The following DHX15 variants were observed in gnomAD, a reference collection of about 807,000 sequenced individuals.
DHX15 encodes DEAH-box helicase 15.
Under a neutral mutation model 94.4 loss-of-function variants are expected in DHX15, and 11 were observed. The observed-to-expected ratio is 0.12, with a 90% confidence interval of 0.07 to 0.19. DHX15 has a LOEUF of 0.19. DHX15 is among the 10% of genes least tolerant of loss of function. The pLI is 1.00. For missense variants in DHX15, 304 were observed against 988.5 expected (o/e 0.31, Z 9.29); for synonymous variants, 338 against 329.9 (o/e 1.02, Z -0.27).
At chr4:24,564,539 T>C (rs556768957) in intron 3 of DHX15, among the ~76,000 whole-genome samples, 1 of 152,338 alleles carries the variant, frequency 6.6e-6, no homozygotes, top group East Asian at 1.9e-4. Flanking sequence ...GAAATCTCTA[T>C]ACATTCAAAT....
chr4:24,538,826 A>T (rs1165244082), intron 10 of DHX15: 1 of 152,132 alleles, frequency 6.6e-6, no homozygotes, highest in African/African-American at 2.4e-5. Context: ...TAATATTCTA[A>T]ACTCAAACAA....
At position 24,540,253 on chromosome 4, in the gene DHX15, A is replaced by T; in HGVS notation, c.1641T>A (p.Ala547=). 1 of 1,613,506 alleles carries T rather than the reference A, an allele frequency of 6.2e-7. No individual in the cohort carries two copies. Among genetic ancestry groups the T allele is most frequent in the Admixed American group, 1.7e-5 (1 of 59,998 alleles). ...MRALELLNYL[A]ALNDDGDLTE... Reference sequence around the variant, plus strand: ...TCAGATCTCCATCATCATTTAAAGCAGCCAGGTAATTCAAAAGTTCCAGGG... The same window carrying T: ...TCAGATCTCCATCATCATTTAAAGCTGCCAGGTAATTCAAAAGTTCCAGGG... Residue 547 remains alanine (A), a synonymous_variant, in exon 10 of 14, where the codon GCT becomes GCA. Transcript: ENST00000336812.
At chr4:24,555,659 T>C (rs1379961171) in intron 4 of DHX15, among the ~76,000 whole-genome samples, 1 of 152,136 alleles carries the variant, frequency 6.6e-6, no homozygotes, top group Non-Finnish European at 1.5e-5. Context: ...TACATTCCAA[T>C]GAATAGTATA....
intron 2 of DHX15, among the ~76,000 whole-genome samples, chr4:24,572,757 A>C (rs994162481): frequency 7.2e-5 from 11 of 152,200 alleles, no homozygotes; most frequent in Non-Finnish European, 1.6e-4. Context: ...GGATCCCTGA[A>C]ATGGTTTCAA....
intron 2 of DHX15, among the ~76,000 whole-genome samples, chr4:24,575,548 TC>T (rs1266757543): frequency 2.0e-5 from 3 of 152,222 alleles, no homozygotes; most frequent in Admixed American, 2.0e-4. Flanking sequence ...TCCCACGTGT[TC>T]TCCTACATGC....
intron 2 of DHX15, among the ~76,000 whole-genome samples, chr4:24,573,412 T>C (rs982670986): frequency 6.6e-6 from 1 of 152,200 alleles, no homozygotes; most frequent in African/African-American, 2.4e-5. Flanking sequence ...GAGCTAACGG[T>C]CATTTCCACC....
At chr4:24,560,797 C>A (rs369065606) in intron 3 of DHX15, among the ~76,000 whole-genome samples, 1 of 152,110 alleles carries the variant, frequency 6.6e-6, no homozygotes, top group South Asian at 2.1e-4. Context: ...AAGCACCAGT[C>A]TCAGATTCCA....
At chr4:24,564,805 A>G (rs568325589) in intron 3 of DHX15, among the ~76,000 whole-genome samples, 1 of 152,298 alleles carries the variant, frequency 6.6e-6, no homozygotes, top group South Asian at 2.1e-4. Flanking sequence ...AAATGCTCAC[A>G]AGGAAAGGGA....
chr4:24,545,980 T>A (rs1721413404), intron 6 of DHX15, among the ~76,000 whole-genome samples: 1 of 152,154 alleles, frequency 6.6e-6, no homozygotes, highest in Non-Finnish European at 1.5e-5. Context: ...TAACCTGCCT[T>A]CTAATAGAAC....
At chr4:24,559,270 T>C (rs1205350414) in intron 3 of DHX15, among the ~76,000 whole-genome samples, 2 of 151,564 alleles carry the variant, frequency 1.3e-5, no homozygotes, top group Non-Finnish European at 2.9e-5. Context: ...CATGAAAGAC[T>C]ATTGCCACTT....
intron 1 of DHX15, among the ~76,000 whole-genome samples, chr4:24,582,450 G>A (rs1722436883): frequency 6.6e-6 from 1 of 152,180 alleles, no homozygotes. Flanking sequence ...TTTAAATGGT[G>A]CACATATGCA....
At chr4:24,544,970 GC>G (rs1303938539) in intron 6 of DHX15, among the ~76,000 whole-genome samples, 1 of 152,138 alleles carries the variant, frequency 6.6e-6, no homozygotes, top group Non-Finnish European at 1.5e-5. Context: ...AATTAGCCAG[GC>G]ATGGTGGCAC....
intron 6 of DHX15, among the ~76,000 whole-genome samples, chr4:24,547,925 A>C (rs371665667): frequency 0.011 from 576 of 50,934 alleles, 15 homozygotes; most frequent in Middle Eastern, 0.065. Context: ...ATATATATAT[A>C]TATATATATA....
chr4:24,548,510 G>C (rs1361686230), intron 6 of DHX15, among the ~76,000 whole-genome samples: 2 of 152,144 alleles, frequency 1.3e-5, no homozygotes, highest in African/African-American at 4.8e-5. Context: ...CATTACATTT[G>C]GGAAGCCTTA....
intron 2 of DHX15, among the ~76,000 whole-genome samples, chr4:24,571,202 A>G (rs1722115939): frequency 6.6e-6 from 1 of 152,260 alleles, no homozygotes; most frequent in Non-Finnish European, 1.5e-5. Flanking sequence ...AAATTCTTAC[A>G]TAATTTGAGT....
chr4:24,548,195 T>G (rs1245823837), intron 6 of DHX15, among the ~76,000 whole-genome samples: 1 of 139,920 alleles, frequency 7.1e-6, no homozygotes, highest in Non-Finnish European at 1.5e-5. Flanking sequence ...CAGGCTGGAG[T>G]GCAGTGTTGC....
chr4:24,554,728 T>C lies in DHX15; in HGVS notation c.1077A>G (p.Gln359=). 1 of 1,612,292 alleles carries C rather than the reference T, an allele frequency of 6.2e-7. No homozygotes were observed. The highest frequency in any genetic ancestry group is 8.5e-7 in the Non-Finnish European group (1 of 1,179,146). Residue 359 remains glutamine (Q), a synonymous_variant, in exon 5 of 14, where the codon CAA becomes CAG. Transcript: ENST00000336812. ...ATGAAGAAAATTAAAACAATACCTC[T>C]TGACCAGTTAAGAAAAGAAGAAGAT... ...EGDLLLFLTG[Q]EEIDEACKRI... is the part of the protein sequence containing the mutation.
At position 24,584,477 on chromosome 4, in the gene DHX15, G is replaced by C; in HGVS notation, c.-84C>G. 7.5e-7 allele frequency: 1 copy of C among 1,342,038 alleles called. No individual in the cohort carries two copies. Among genetic ancestry groups the C allele is most frequent in the South Asian group, 1.3e-5 (1 of 77,820 alleles). 83.1% of individuals were successfully genotyped at this position (1,342,038 alleles called of 1,614,324 possible). A position where few individuals can be genotyped will look rare whatever the true frequency, so the allele number is the denominator to read the frequency against. On this transcript the variant is annotated 5_prime_UTR_variant, in exon 1 of 14. Coordinates refer to ENST00000336812, the MANE Select transcript of DHX15 (RefSeq NM_001358.3). ...AGTCGAGGACAGCCACTTAACTCTG[G>C]AGGACCCCCACCCCTCCCGCTACTA...
At chr4:24,559,582 T>C (rs949167583) in intron 3 of DHX15, among the ~76,000 whole-genome samples, 1 of 152,108 alleles carries the variant, frequency 6.6e-6, no homozygotes, top group Non-Finnish European at 1.5e-5. Flanking sequence ...GAAATATTTA[T>C]CCAGGCTAAG....
Sources: gnomAD v4.1 joint callset for allele counts (sites outside exome capture counted in the v4.1 genomes callset) on GRCh38, gnomAD v4.1.1 for gene constraint, MANE v1.5 for transcripts, NCBI Gene and HGNC (gene_info 2026-07-23, HGNC 2026-07-21) for gene names.